The following CBLB variants were observed in gnomAD, a reference collection of about 807,000 sequenced individuals.
The protein encoded by CBLB is E3 ubiquitin-protein ligase CBL-B.
A neutral mutation model predicts 104.9 loss-of-function variants in CBLB; 31 were observed. The ratio of observed to expected loss-of-function variants is 0.30; its 90% CI spans 0.22 to 0.40. CBLB has a LOEUF of 0.40. Among genes scored for constraint, CBLB ranks in the 10% least tolerant of loss-of-function variants. CBLB has a pLI of 1.00. For synonymous variants in CBLB, 440 were observed against 422.6 expected (o/e 1.04, Z -0.51); for missense variants, 1,062 against 1,214.6 (o/e 0.87, Z 1.87).
At chr3:105,852,181 A>C (rs935019677) in intron 3 of CBLB, among the ~76,000 whole-genome samples, 5 of 152,174 alleles carry the variant, frequency 3.3e-5, no homozygotes, top group Non-Finnish European at 7.3e-5. Context: ...TCCTGAAGGC[A>C]CTATTATCAC....
chr3:105,668,718 T>C (rs915526001), intron 18 of CBLB, among the ~76,000 whole-genome samples: 16 of 152,176 alleles, frequency 1.1e-4, no homozygotes, highest in African/African-American at 3.1e-4. Flanking sequence ...AGATTTTCTA[T>C]GCTTTCCTGA....
At chr3:105,863,412 A>G (rs1259617827) in intron 2 of CBLB, among the ~76,000 whole-genome samples, 1 of 152,228 alleles carries the variant, frequency 6.6e-6, no homozygotes, top group East Asian at 1.9e-4. Flanking sequence ...AAAAGGAAAT[A>G]CGTCAAGAAG....
intron 4 of CBLB, among the ~76,000 whole-genome samples, chr3:105,773,142 C>T (rs185717697): frequency 3.9e-5 from 6 of 152,142 alleles, no homozygotes; most frequent in Admixed American, 3.9e-4. Context: ...AACCTAAGTG[C>T]ACATAGACCA....
At chr3:105,669,941 T>C (rs955173604) in intron 18 of CBLB, among the ~76,000 whole-genome samples, 1 of 152,136 alleles carries the variant, frequency 6.6e-6, no homozygotes, top group African/African-American at 2.4e-5. Flanking sequence ...CCTCATTTCC[T>C]AAATCTGAGA....
At chr3:105,769,403 T>C (rs1443099) in intron 4 of CBLB, among the ~76,000 whole-genome samples, 150,166 of 152,256 alleles carry the variant, frequency 0.99, 74,090 homozygotes, top group East Asian at 1. Context: ...CAGTCTCTGC[T>C]TCCAAATAAA....
intron 3 of CBLB, 70 bp downstream of exon 3, chr3:105,853,344 T>C: frequency 6.6e-7 from 1 of 1,506,274 alleles, no homozygotes. Context: ...TGGTGACGTT[T>C]AGGTTAACTA....
intron 13 of CBLB, among the ~76,000 whole-genome samples, chr3:105,692,463 T>C (rs2067829484): frequency 6.6e-6 from 1 of 152,108 alleles, no homozygotes; most frequent in African/African-American, 2.4e-5. Flanking sequence ...ACAGAACATT[T>C]CACAAAGAAA....
intron 6 of CBLB, among the ~76,000 whole-genome samples, chr3:105,741,095 G>GTTTTTTTTTT (rs66493673): frequency 9.2e-6 from 1 of 108,200 alleles, no homozygotes; most frequent in Non-Finnish European, 1.8e-5. Context: ...AAAAATTAGG[G>GTTTTTTTTTT]TTTTTTTTTT....
chr3:105,838,073 T>TC (rs75503728), intron 3 of CBLB, among the ~76,000 whole-genome samples: 35 of 127,934 alleles, frequency 2.7e-4, no homozygotes, highest in African/African-American at 9.7e-4. Context: ...CCTTTTTTTT[T>TC]CCTTTTTTTC....
intron 4 of CBLB, among the ~76,000 whole-genome samples, chr3:105,765,994 T>C (rs1433918909): frequency 6.6e-6 from 1 of 152,164 alleles, no homozygotes. Context: ...GATTCACCTT[T>C]CTAATGCCAC....
chr3:105,754,523 C>A (rs57411841), intron 4 of CBLB, among the ~76,000 whole-genome samples: 4 of 102,760 alleles, frequency 3.9e-5, no homozygotes, highest in African/African-American at 7.7e-5. Flanking sequence ...GAGAGAGAGA[C>A]AGAGAGAGAG....
chr3:105,665,416 AATATAT>A (rs71111381), intron 18 of CBLB, among the ~76,000 whole-genome samples: 4 of 98,652 alleles, frequency 4.1e-5, no homozygotes, highest in African/African-American at 1.4e-4. Context: ...TAAATAAATA[AATATAT>A]ATATATATAT....
intron 3 of CBLB, among the ~76,000 whole-genome samples, chr3:105,802,652 G>C (rs2083027750): frequency 2.0e-5 from 3 of 152,152 alleles, no homozygotes; most frequent in Admixed American, 1.3e-4. Context: ...TGGGAGAGAA[G>C]CTTAGAAGAG....
At chr3:105,816,640 A>C (rs2153048622) in intron 3 of CBLB, among the ~76,000 whole-genome samples, 1 of 152,338 alleles carries the variant, frequency 6.6e-6, no homozygotes, top group South Asian at 2.1e-4. Context: ...TGCATAAAGT[A>C]AGTTCTACTT....
chr3:105,713,091 G>T (rs2071335011), intron 10 of CBLB, among the ~76,000 whole-genome samples: 1 of 152,122 alleles, frequency 6.6e-6, no homozygotes, highest in South Asian at 2.1e-4. Context: ...GCATTAGAGT[G>T]AGACCCCATC....
rs574473531 is a variant in CBLB, at chr3:105,759,492, G to A, written c.567-7874C>T. Reference sequence around the variant, plus strand: ...GTCATCTACAGGCTGTTTCTGTGGAGGGTCACCTGCAGGCCCATGCGGAGC... The same window carrying A: ...GTCATCTACAGGCTGTTTCTGTGGAAGGTCACCTGCAGGCCCATGCGGAGC... On this transcript the variant is annotated intron_variant, in intron 4 of 18. Coordinates refer to ENST00000394030, the MANE Select transcript of CBLB (RefSeq NM_170662.5). 9.5e-4 allele frequency among the ~76,000 whole-genome samples: 144 copies of A among 152,304 alleles called. 1 individual carries two copies. The highest frequency in any genetic ancestry group is 3.4e-3 in the African/African-American group (143 of 41,578).
At chr3:105,763,928 A>G (rs1160289073) in intron 4 of CBLB, among the ~76,000 whole-genome samples, 1 of 152,164 alleles carries the variant, frequency 6.6e-6, no homozygotes, top group African/African-American at 2.4e-5. Context: ...CCTAAACACA[A>G]ATTCTCCTAA....
At chr3:105,771,708 A>G (rs1560170215) in intron 4 of CBLB, among the ~76,000 whole-genome samples, 1 of 152,204 alleles carries the variant, frequency 6.6e-6, no homozygotes, top group Non-Finnish European at 1.5e-5. Context: ...AAATCAATGT[A>G]CACAAATCAG....
chr3:105,829,957 T>C (rs944019299), intron 3 of CBLB, among the ~76,000 whole-genome samples: 6 of 152,164 alleles, frequency 3.9e-5, no homozygotes, highest in East Asian at 1.9e-4. Flanking sequence ...AGTCAGCACA[T>C]GTATAAACCC....
Sources: gnomAD v4.1 joint callset for allele counts (sites outside exome capture counted in the v4.1 genomes callset) on GRCh38, gnomAD v4.1.1 for gene constraint, MANE v1.5 for transcripts, NCBI Gene and HGNC (gene_info 2026-07-23, HGNC 2026-07-21) for gene names.